PAX7: variants seen among roughly 807,000 people sequenced by gnomAD.
The protein encoded by PAX7 is paired box 7, also known as paired box protein Pax-7.
PAX7 carries 18 observed loss-of-function variants against 50.7 expected under a neutral mutation model. The ratio of observed to expected loss-of-function variants is 0.36; its 90% CI spans 0.25 to 0.53. The LOEUF is 0.53. Ranked by LOEUF, PAX7 falls within the 20% of genes least tolerant of loss-of-function variation. PAX7 has a pLI of 0.93. For missense variants in PAX7, 644 were observed against 702.9 expected (o/e 0.92, Z 0.95); for synonymous variants, 310 against 290.4 (o/e 1.07, Z -0.69).
At chr1:18,721,123 C>T (rs976353428) in intron 7 of PAX7, among the ~76,000 whole-genome samples, 1 of 152,112 alleles carries the variant, frequency 6.6e-6, no homozygotes, top group African/African-American at 2.4e-5. Flanking sequence ...TCTCCCACTC[C>T]CAGTCCAGGT....
At chr1:18,741,430 A>G (rs1416983313) in intron 8 of PAX7, among the ~76,000 whole-genome samples, 1 of 151,126 alleles carries the variant, frequency 6.6e-6, no homozygotes, top group Non-Finnish European at 1.5e-5. Flanking sequence ...AGCCTGGGAG[A>G]CAGAGTGAGA....
chr1:18,644,432 G>C (rs750394980), intron 4 of PAX7, among the ~76,000 whole-genome samples: 2 of 152,152 alleles, frequency 1.3e-5, no homozygotes, highest in African/African-American at 2.4e-5. Context: ...TATCCTTTTA[G>C]GGGATCCTGG....
At chr1:18,652,899 C>T (rs535776508) in intron 4 of PAX7, among the ~76,000 whole-genome samples, 13 of 152,294 alleles carry the variant, frequency 8.5e-5, no homozygotes, top group Non-Finnish European at 1.9e-4. Context: ...CCAGCCATGC[C>T]CCGTGGGTAT....
At chr1:18,708,633 T>C (rs2089313080) in intron 7 of PAX7, among the ~76,000 whole-genome samples, 1 of 152,078 alleles carries the variant, frequency 6.6e-6, no homozygotes, top group African/African-American at 2.4e-5. Flanking sequence ...CTTTGAATAA[T>C]GTGACACCTG....
chr1:18,685,092 C>T (rs772870266), intron 4 of PAX7, among the ~76,000 whole-genome samples: 10 of 152,132 alleles, frequency 6.6e-5, no homozygotes, highest in Non-Finnish European at 1.5e-4. Context: ...TTCCATCACC[C>T]GGGAACTTGC....
intron 8 of PAX7, 125 bp from the exon 9 acceptor site, chr1:18,744,689 A>AATGG (rs71027398): frequency 0.14 from 58,564 of 413,282 alleles, 2,623 homozygotes; most frequent in Non-Finnish European, 0.16. Context: ...TGGATGGATA[A>AATGG]ATGGATGGAT....
chr1:18,635,025 T>C, intron 2 of PAX7, 86 bp from the exon 3 acceptor site: 1 of 1,512,064 alleles, frequency 6.6e-7, no homozygotes, highest in Non-Finnish European at 9.0e-7. Flanking sequence ...CAGCCTGGTC[T>C]GGGGCTCTTA....
intron 4 of PAX7, among the ~76,000 whole-genome samples, chr1:18,658,957 T>TATATGTGTGTGTGTACAC (rs1446753936): frequency 6.6e-5 from 10 of 152,332 alleles, no homozygotes; most frequent in African/African-American, 1.9e-4. Flanking sequence ...TGCATGCACG[T>TATATGTGTGTGTGTACAC]ATATGTGTGT....
At chr1:18,641,850 T>C (rs2088260786) in intron 4 of PAX7, among the ~76,000 whole-genome samples, 1 of 152,120 alleles carries the variant, frequency 6.6e-6, no homozygotes, top group South Asian at 2.1e-4. Context: ...TCGGAGCTAT[T>C]TGGCTGGGTA....
chr1:18,692,852 C>T (rs1050926663), intron 5 of PAX7, among the ~76,000 whole-genome samples: 3 of 152,150 alleles, frequency 2.0e-5, no homozygotes, highest in Non-Finnish European at 4.4e-5. Flanking sequence ...GAGCAAGAGC[C>T]TCCCAATGGC....
At chr1:18,661,776 T>G (rs1431064374) in intron 4 of PAX7, among the ~76,000 whole-genome samples, 1 of 152,186 alleles carries the variant, frequency 6.6e-6, no homozygotes, top group Non-Finnish European at 1.5e-5. Context: ...GTGTGGCTCC[T>G]TATTATGGCA....
chr1:18,723,584 A>G (rs755558871), intron 7 of PAX7, among the ~76,000 whole-genome samples: 18 of 152,256 alleles, frequency 1.2e-4, no homozygotes, highest in Non-Finnish European at 2.5e-4. Flanking sequence ...GGAGATAGCC[A>G]CAAACGTGTC....
intron 5 of PAX7, among the ~76,000 whole-genome samples, chr1:18,698,694 C>T (rs911947693): frequency 6.6e-6 from 1 of 152,200 alleles, no homozygotes; most frequent in South Asian, 2.1e-4. Flanking sequence ...CAGGGTGCCC[C>T]GGGGAAACCC....
At chr1:18,666,582 A>C (rs1016385919) in intron 4 of PAX7, among the ~76,000 whole-genome samples, 2 of 152,178 alleles carry the variant, frequency 1.3e-5, no homozygotes, top group African/African-American at 2.4e-5. Context: ...ATCTGAGTAA[A>C]GGTGATGCCA....
chr1:18,635,410 C>G (rs368444827), intron 3 of PAX7, among the ~76,000 whole-genome samples, 170 bp downstream of exon 3: 24 of 147,526 alleles, frequency 1.6e-4, no homozygotes, highest in African/African-American at 5.8e-4. Flanking sequence ...AGGAGTAAAT[C>G]AAAACAGAAT....
intron 7 of PAX7, among the ~76,000 whole-genome samples, chr1:18,728,555 G>A (rs1385845267): frequency 1.3e-5 from 2 of 152,016 alleles, no homozygotes; most frequent in South Asian, 2.1e-4. Context: ...AGAATCACCC[G>A]GGAGCTTTAA....
At chr1:18,660,160 G>A (rs543955004) in intron 4 of PAX7, among the ~76,000 whole-genome samples, 1 of 152,056 alleles carries the variant, frequency 6.6e-6, no homozygotes, top group Non-Finnish European at 1.5e-5. Context: ...AGGGCCAAAT[G>A]GGCCTCCCAT....
At chr1:18,744,670 A>G in intron 8 of PAX7, 144 bp from the exon 9 acceptor site, 1 of 594,924 alleles carries the variant, frequency 1.7e-6, no homozygotes, top group Non-Finnish European at 3.0e-6. Flanking sequence ...GGATGGATGG[A>G]TGGATGGATG....
At chr1:18,682,789 G>T (rs1211892163) in intron 4 of PAX7, among the ~76,000 whole-genome samples, 1 of 152,172 alleles carries the variant, frequency 6.6e-6, no homozygotes, top group African/African-American at 2.4e-5. Flanking sequence ...AGGGGAGAGA[G>T]GAGGTGCTGC....
Sources: gnomAD v4.1 joint callset for allele counts (sites outside exome capture counted in the v4.1 genomes callset) on GRCh38, gnomAD v4.1.1 for gene constraint, MANE v1.5 for transcripts, NCBI Gene and HGNC (gene_info 2026-07-23, HGNC 2026-07-21) for gene names.